The following CCDC92 variants were observed in gnomAD, a reference collection of about 807,000 sequenced individuals.
CCDC92 encodes the protein coiled-coil domain-containing protein 92.
A neutral mutation model predicts 24.9 loss-of-function variants in CCDC92; 12 were observed. The ratio of observed to expected loss-of-function variants is 0.48; its 90% confidence interval spans 0.31 to 0.78. The LOEUF is 0.78. CCDC92 is among the 30% of genes least tolerant of loss of function. CCDC92 has a pLI of 0.05. For synonymous variants in CCDC92, 193 were observed against 196.3 expected (o/e 0.98, Z 0.14); for missense variants, 399 against 439.4 (o/e 0.91, Z 0.82).
At chr12:123,953,594 T>A (rs949451866) in intron 1 of CCDC92, among the ~76,000 whole-genome samples, 1 of 152,052 alleles carries the variant, frequency 6.6e-6, no homozygotes, top group African/African-American at 2.4e-5. Flanking sequence ...CTGGCTAACA[T>A]GGTGAAACTC....
At chr12:123,941,277 C>CG (rs1955675950) in intron 4 of CCDC92, among the ~76,000 whole-genome samples, 1 of 152,178 alleles carries the variant, frequency 6.6e-6, no homozygotes, top group South Asian at 2.1e-4. Context: ...CCCAGGGCTT[C>CG]GGGGGAGGTC....
intron 1 of CCDC92, chr12:123,946,026 T>TCCATTTCCAGTCCATGATGATCTC (rs150886168): frequency 1.7e-4 from 3 of 17,210 alleles, no homozygotes; most frequent in Non-Finnish European, 3.7e-4. Context: ...GCTGGCATCC[T>TCCATTTCCAGTCCATGATGATCTC]GCTTTGAAAG....
rs1386692672 is a variant in CCDC92 at position 123,942,741 on chromosome 12, T to C, written c.223+3A>G. On this transcript the variant is annotated splice_donor_region_variant and intron_variant, in intron 4 of 4. Transcript: ENST00000238156. ...TCATTTACTTCTGGGGAGGAGTTCT[T>C]ACCTGTCTGTTCCGAACTTTTGACT... is the stretch of plus-strand genomic sequence containing the variant. The C allele has an allele frequency of 1.9e-6, 3 of 1,608,084 alleles. No homozygotes were observed. Among genetic ancestry groups the C allele is most frequent in the Non-Finnish European group, 1.7e-6 (2 of 1,174,336 alleles).
At chr12:123,960,641 AG>A (rs373920412) in intron 1 of CCDC92, 52 of 152,334 alleles carry the variant, frequency 3.4e-4, no homozygotes, top group African/African-American at 1.2e-3. Flanking sequence ...TCAGAAATTC[AG>A]GGAACACCTG....
intron 1 of CCDC92, among the ~76,000 whole-genome samples, chr12:123,953,686 G>A (rs769237392): frequency 6.6e-5 from 10 of 152,242 alleles, no homozygotes; most frequent in Non-Finnish European, 1.2e-4. Context: ...GCTGAGGCAG[G>A]AGACTTGCTT....
intron 1 of CCDC92, chr12:123,956,190 TTTG>T (rs1212330805): frequency 1.3e-5 from 2 of 152,248 alleles, no homozygotes; most frequent in African/African-American, 2.4e-5. Context: ...TAATCAGATA[TTTG>T]TTGTTATTGA....
chr12:123,955,683 T>G (rs887754332), intron 1 of CCDC92, among the ~76,000 whole-genome samples: 2 of 152,144 alleles, frequency 1.3e-5, no homozygotes, highest in African/African-American at 4.8e-5. Flanking sequence ...AGGGTTTCTC[T>G]ATGTTGCCCA....
At position 123,936,508 on chromosome 12, in the gene CCDC92, A is replaced by G. The variant is rs1955497759; in HGVS notation, c.*550T>C. 6.4e-6 allele frequency: 1 copy of G among 157,016 alleles called. No homozygotes were observed. Among genetic ancestry groups the G allele is most frequent in the Admixed American group, 6.3e-5 (1 of 15,956 alleles). 9.7% of individuals were successfully genotyped at this position (157,016 alleles called of 1,614,324 possible). On this transcript the variant is annotated 3_prime_UTR_variant, in exon 5 of 5. Coordinates refer to ENST00000238156, the MANE Select transcript of CCDC92 (RefSeq NM_025140.3). ...TTCAGGTTGTGGTGCTATGAGGAGT[A>G]GCGTCATCTTATTTAGTTCCTTGAG... is the stretch of plus-strand genomic sequence containing the variant.
At chr12:123,955,127 T>C (rs1018958175) in intron 1 of CCDC92, among the ~76,000 whole-genome samples, 5 of 152,214 alleles carry the variant, frequency 3.3e-5, no homozygotes, top group African/African-American at 1.2e-4. Flanking sequence ...CTAGAGCTAG[T>C]ATCATTTTCA....
At chr12:123,956,107 C>G (rs1956144129) in intron 1 of CCDC92, among the ~76,000 whole-genome samples, 3 of 152,230 alleles carry the variant, frequency 2.0e-5, no homozygotes, top group African/African-American at 4.8e-5. Flanking sequence ...AGTCCAACAA[C>G]AGTCACTTCA....
intron 4 of CCDC92, among the ~76,000 whole-genome samples, chr12:123,938,331 C>A (rs748032428): frequency 1.3e-5 from 2 of 152,144 alleles, no homozygotes; most frequent in Non-Finnish European, 2.9e-5. Flanking sequence ...CTCTCACCCC[C>A]CTACCCCCGT....
intron 3 of CCDC92, 142 bp downstream of exon 3, chr12:123,943,205 T>G: frequency 2.5e-6 from 2 of 804,620 alleles, no homozygotes; most frequent in Non-Finnish European, 3.8e-6. Context: ...GATTATGCAA[T>G]GAGGATGATA....
chr12:123,940,808 G>A (rs1955661386), intron 4 of CCDC92, among the ~76,000 whole-genome samples: 1 of 150,078 alleles, frequency 6.7e-6, no homozygotes, highest in Non-Finnish European at 1.5e-5. Context: ...GCCCCCAGGG[G>A]AGGGAAGCCA....
chr12:123,960,116 C>G (rs1378429350), intron 1 of CCDC92, among the ~76,000 whole-genome samples: 1 of 152,198 alleles, frequency 6.6e-6, no homozygotes, highest in African/African-American at 2.4e-5. Context: ...ATGTAAACTC[C>G]AGGAGAACAA....
chr12:123,949,775 A>G (rs1955976495), intron 1 of CCDC92, among the ~76,000 whole-genome samples: 1 of 152,250 alleles, frequency 6.6e-6, no homozygotes, highest in Admixed American at 6.5e-5. Flanking sequence ...AAGACGTGGC[A>G]AGACAGCTTC....
At chr12:123,964,891 A>AT (rs749157516) in intron 1 of CCDC92, among the ~76,000 whole-genome samples, 1 of 152,162 alleles carries the variant, frequency 6.6e-6, no homozygotes, top group Non-Finnish European at 1.5e-5. Flanking sequence ...TTTAATGTAA[A>AT]TTTTGTTTTC....
chr12:123,959,854 A>G (rs1046638811), intron 1 of CCDC92, among the ~76,000 whole-genome samples: 38 of 152,224 alleles, frequency 2.5e-4, no homozygotes, highest in African/African-American at 8.9e-4. Flanking sequence ...GCACAGATCT[A>G]AAGCATTTAG....
rs1048465379 is a variant in CCDC92, at chr12:123,971,051, C to CA, written c.-60+1477dup. Among the ~76,000 whole-genome samples the CA allele has an allele frequency of 4.6e-5, 7 of 152,006 alleles. No individual in the cohort carries two copies. In the East Asian group the frequency reaches 1.2e-3, roughly 25 times the overall value. ...AAGAGTTAATAAAAATATCTAATTTCAAAAAAACCCTATTTGTTAGACCGA... is the reference window on the plus strand; with the variant it reads ...AAGAGTTAATAAAAATATCTAATTTCAAAAAAAACCCTATTTGTTAGACCGA... On this transcript the variant is annotated intron_variant, in intron 1 of 4. Coordinates refer to ENST00000238156, the MANE Select transcript of CCDC92 (RefSeq NM_025140.3).
intron 1 of CCDC92, among the ~76,000 whole-genome samples, chr12:123,953,458 G>A (rs3867146): frequency 0.078 from 11,865 of 152,212 alleles, 679 homozygotes; most frequent in Non-Finnish European, 0.11. Flanking sequence ...TTTGATATGT[G>A]TAGAAGGATA....
Sources: gnomAD v4.1 joint callset for allele counts (sites outside exome capture counted in the v4.1 genomes callset) on GRCh38, gnomAD v4.1.1 for gene constraint, MANE v1.5 for transcripts, NCBI Gene and HGNC (gene_info 2026-07-23, HGNC 2026-07-21) for gene names.